Variants in PDE4D observed in about 807,000 individuals in gnomAD.
The protein encoded by PDE4D is phosphodiesterase 4D, also known as 3',5'-cyclic-AMP phosphodiesterase 4D.
Under a neutral mutation model 87.4 loss-of-function variants are expected in PDE4D, and 24 were observed. That is an observed-to-expected ratio of 0.27 (90% CI 0.20 to 0.39). The LOEUF (loss-of-function observed/expected upper bound fraction) is 0.39, where lower values mean the gene tolerates loss of function less well. PDE4D is among the 10% of genes least tolerant of loss of function. The pLI is 1.00. For synonymous variants in PDE4D, 384 were observed against 383.2 expected (o/e 1.00, Z -0.02); for missense variants, 714 against 1,041.0 (o/e 0.69, Z 4.32).
intron 2 of PDE4D, among the ~76,000 whole-genome samples, chr5:59,208,523 T>A (rs1749333843): frequency 6.6e-6 from 1 of 152,254 alleles, no homozygotes; most frequent in South Asian, 2.1e-4. Flanking sequence ...GCTGGCACCA[T>A]CTCACTGTAG....
chr5:60,316,059 T>C (rs1032190724), intron 1 of PDE4D, among the ~76,000 whole-genome samples: 1 of 152,194 alleles, frequency 6.6e-6, no homozygotes, highest in Non-Finnish European at 1.5e-5. Flanking sequence ...TGGCATTGAA[T>C]CGATAAATTA....
At chr5:60,231,941 C>T (rs538841846) in intron 1 of PDE4D, among the ~76,000 whole-genome samples, 11 of 152,036 alleles carry the variant, frequency 7.2e-5, no homozygotes, top group South Asian at 2.1e-4. Context: ...GGAGACATCC[C>T]GCTGTGAGCT....
intron 5 of PDE4D, among the ~76,000 whole-genome samples, chr5:59,159,275 T>C (rs896078289): frequency 2.7e-5 from 4 of 150,894 alleles, no homozygotes; most frequent in African/African-American, 9.8e-5. Context: ...ACTACAGGCA[T>C]GTGCCACCAT....
At chr5:59,495,333 T>C (rs1806976375) in intron 1 of PDE4D, among the ~76,000 whole-genome samples, 1 of 152,210 alleles carries the variant, frequency 6.6e-6, no homozygotes. Flanking sequence ...ACTTACTCCA[T>C]TCTCTTTGTG....
At position 60,474,149 on chromosome 5, in the gene PDE4D, TAACA is replaced by T. The variant is rs138128468; in HGVS notation, c.-90+13789_-90+13792del. Among the ~76,000 whole-genome samples, 113 of 94,384 alleles carry T rather than the reference TAACA, an allele frequency of 1.2e-3. 1 individual carries two copies. Among genetic ancestry groups the T allele is most frequent in the African/African-American group, 7.3e-3 (106 of 14,558 alleles). 61.9% of individuals were successfully genotyped at this position (94,384 alleles called of 152,430 possible). A position where few individuals can be genotyped will look rare whatever the true frequency, so the allele number is the denominator to read the frequency against. On this transcript the variant is annotated intron_variant, in intron 1 of 16. Transcript: ENST00000502484. ...ATATATATATATATATATATATATA[TAACA>T]AAAACCTTAGACTGGGCAATTTATA... is the stretch of plus-strand genomic sequence containing the variant.
chr5:60,368,157 A>G (rs578150422), intron 1 of PDE4D, among the ~76,000 whole-genome samples: 22 of 152,210 alleles, frequency 1.4e-4, no homozygotes, highest in Non-Finnish European at 2.6e-4. Context: ...AATAACAACG[A>G]TAAGTTTTCT....
At position 59,924,241 on chromosome 5, in the gene PDE4D, C is replaced by T. The variant is rs562621679; in HGVS notation, c.272+64247G>A. 8.5e-5 allele frequency among the ~76,000 whole-genome samples: 13 copies of T among 152,048 alleles called. No homozygotes were observed. In the South Asian group the frequency reaches 2.5e-3, roughly 29 times the overall value. On this transcript the variant is annotated intron_variant, in intron 3 of 16. Coordinates refer to the PDE4D transcript ENST00000502484. ...CACAAGCTCAAGATCTAGAAAATAG[C>T]CTCTGAAGGGCAAATCTAAGAGTTA...
At chr5:59,637,830 A>G (rs1450098971) in intron 1 of PDE4D, among the ~76,000 whole-genome samples, 1 of 152,124 alleles carries the variant, frequency 6.6e-6, no homozygotes, top group Non-Finnish European at 1.5e-5. Context: ...CAGCAACTGA[A>G]TCTGGTTTTC....
intron 2 of PDE4D, among the ~76,000 whole-genome samples, chr5:60,182,880 A>AG (rs1363983026): frequency 6.6e-6 from 1 of 150,914 alleles, no homozygotes; most frequent in Non-Finnish European, 1.5e-5. Flanking sequence ...ACTCCGTCTC[A>AG]GAAAAAAAAA....
intron 2 of PDE4D, among the ~76,000 whole-genome samples, chr5:60,020,839 G>A (rs1765994228): frequency 1.3e-5 from 2 of 152,188 alleles, no homozygotes; most frequent in Non-Finnish European, 2.9e-5. Flanking sequence ...ACAACATAAG[G>A]AAGTGAAACA....
intron 1 of PDE4D, among the ~76,000 whole-genome samples, chr5:59,332,865 C>A (rs1042906174): frequency 5.3e-5 from 8 of 152,170 alleles, no homozygotes; most frequent in Admixed American, 5.2e-4. Context: ...GTGACACAGA[C>A]ATGATCATCT....
intron 1 of PDE4D, among the ~76,000 whole-genome samples, chr5:59,401,219 A>G (rs565433924): frequency 6.6e-6 from 1 of 152,312 alleles, no homozygotes; most frequent in South Asian, 2.1e-4. Context: ...CCAAGGCAGG[A>G]GAATCATTTG....
Position 60,225,688 on chromosome 5 carries a change from T to G in PDE4D, c.-89-40001A>C, listed in dbSNP as rs539665987. On this transcript the variant is annotated intron_variant, in intron 1 of 16. Transcript: ENST00000502484. ...ACATGGGAACTCTCTGGGGTTCCAC[T>G]TTATAATAATGGTAACTAAAAGCTA... Among the ~76,000 whole-genome samples the G allele has an allele frequency of 3.1e-3, 473 of 152,232 alleles. 2 individuals are homozygous for G. Among genetic ancestry groups the G allele is most frequent in the Non-Finnish European group, 5.2e-3 (355 of 67,988 alleles).
intron 1 of PDE4D, among the ~76,000 whole-genome samples, chr5:59,848,129 T>C (rs781526094): frequency 6.6e-6 from 1 of 151,986 alleles, no homozygotes; most frequent in East Asian, 1.9e-4. Context: ...CCTAAAGCTA[T>C]TTTTTTATTT....
intron 1 of PDE4D, among the ~76,000 whole-genome samples, chr5:59,535,080 G>T (rs112686085): frequency 0.18 from 26,926 of 147,644 alleles, 2,913 homozygotes; most frequent in Non-Finnish European, 0.25. Context: ...TGTGTGTGGG[G>T]GGGGGGTCCT....
At chr5:60,118,317 T>A (rs1385518965) in intron 2 of PDE4D, among the ~76,000 whole-genome samples, 1 of 152,176 alleles carries the variant, frequency 6.6e-6, no homozygotes, top group East Asian at 1.9e-4. Flanking sequence ...GGTTTACTTA[T>A]GCTGACTGTC....
intron 5 of PDE4D, among the ~76,000 whole-genome samples, chr5:59,131,673 T>G: frequency 6.7e-6 from 1 of 148,674 alleles, no homozygotes; most frequent in Non-Finnish European, 1.5e-5. Context: ...AAGCCCCCCA[T>G]GGGAGATGAC....
chr5:59,605,096 C>T (rs956640108), intron 1 of PDE4D, among the ~76,000 whole-genome samples: 4 of 152,100 alleles, frequency 2.6e-5, no homozygotes, highest in Non-Finnish European at 4.4e-5. Context: ...CTTCCAAACC[C>T]GTAAACATGT....
intron 1 of PDE4D, among the ~76,000 whole-genome samples, chr5:59,545,044 A>G (rs1817025760): frequency 6.6e-6 from 1 of 152,194 alleles, no homozygotes. Context: ...TTAAAATCCA[A>G]TTACATAAAA....
Sources: allele counts gnomAD v4.1 joint callset (sites outside exome capture counted in the v4.1 genomes callset), GRCh38; gene constraint gnomAD v4.1.1; transcripts MANE v1.5; gene names NCBI Gene and HGNC (gene_info 2026-07-23, HGNC 2026-07-21).